The following CDH15 variants were observed in gnomAD, a reference collection of about 807,000 sequenced individuals.
The protein encoded by CDH15 is cadherin 15, also known as cadherin-15.
In CDH15, 73 loss-of-function variants were observed where a neutral mutation model predicts 69.4. The observed-to-expected ratio is 1.05, with a 90% CI of 0.87 to 1.28. CDH15 has a LOEUF of 1.28. CDH15 is among the 50% of genes most tolerant of loss of function. The probability of loss-of-function intolerance (pLI) is 0.00; values close to 1 mark genes in which losing one functional copy is unlikely to be tolerated. For missense variants in CDH15, 1,343 were observed against 1,133.6 expected (o/e 1.18, Z -2.65); for synonymous variants, 624 against 507.7 (o/e 1.23, Z -3.08).
chr16:89,188,338 A>C lies in CDH15; in HGVS notation c.978+53A>C, dbSNP rs1597309324. On this transcript the variant is annotated intron_variant, in intron 7 of 13. Transcript: ENST00000289746. ...TGCCGGCAGACGCAGATGCCGACACACACAGATGCCCACACACAGATGCCG... is the reference window on the plus strand; with the variant it reads ...TGCCGGCAGACGCAGATGCCGACACCCACAGATGCCCACACACAGATGCCG... The C allele has an allele frequency of 9.5e-6, 14 of 1,473,970 alleles. No homozygotes were observed. In the East Asian group the frequency reaches 3.2e-4, roughly 34 times the overall value. 91.3% of individuals were successfully genotyped at this position (1,473,970 alleles called of 1,614,324 possible). A position where few individuals can be genotyped will look rare whatever the true frequency, so the allele number is the denominator to read the frequency against.
chr16:89,192,379 CG>C lies in CDH15; in HGVS notation c.1796del (p.Gly599AlafsTer80), dbSNP rs749838702. 1 of 1,536,826 alleles carries C rather than the reference CG, an allele frequency of 6.5e-7. No homozygotes were observed. Among genetic ancestry groups the C allele is most frequent in the Non-Finnish European group, 8.7e-7 (1 of 1,147,764 alleles). The part of the protein sequence containing the change: ...VCLPGAAALL[A>X]GGTGLSLGAL... Reference sequence around the variant, plus strand: ...CTGCCGGGGGCCGCAGCGCTGCTGGCGGGGGGCACAGGCCTCAGCCTGGGCG... The same window carrying C: ...CTGCCGGGGGCCGCAGCGCTGCTGGCGGGGGCACAGGCCTCAGCCTGGGCG... On this transcript the variant is annotated frameshift_variant, in exon 11 of 14. Transcript: ENST00000289746. LOFTEE classifies it high-confidence loss of function.
chr16:89,187,421 A>AT lies in CDH15; in HGVS notation c.664-7dup. ...CTCATCTTCTGACCCTGTGCCCCAC[A>AT]TCCCCAGGTGGTCGCGGTGTACAAT... On this transcript the variant is annotated splice_polypyrimidine_tract_variant and splice_region_variant and intron_variant, in intron 5 of 13. Transcript: ENST00000289746. 6.2e-7 allele frequency: 1 copy of AT among 1,612,458 alleles called. No homozygotes were observed. Among genetic ancestry groups the AT allele is most frequent in the South Asian group, 1.1e-5 (1 of 91,058 alleles).
At chr16:89,179,634 C>A in intron 2 of CDH15, 60 bp downstream of exon 2, 1 of 1,484,284 alleles carries the variant, frequency 6.7e-7, no homozygotes, top group Non-Finnish European at 9.1e-7. Flanking sequence ...AGTGGGCCTC[C>A]CTCATTCTCT....
Position 89,193,468 on chromosome 16 carries a change from A to G in CDH15, c.1856-2A>G, listed in dbSNP as rs778417998. 7.6e-6 allele frequency: 12 copies of G among 1,570,766 alleles called. No individual in the cohort carries two copies. The highest frequency in any genetic ancestry group is 5.2e-6 in the Non-Finnish European group (6 of 1,156,888). ...CCCAGCCTGCGTCCCCTCATTCCCC[A>G]GTGCTGGTCCTGCTCGTGGCACTCC... On this transcript the variant is annotated splice_acceptor_variant, in intron 11 of 13. Coordinates refer to ENST00000289746, the MANE Select transcript of CDH15 (RefSeq NM_004933.3). LOFTEE classifies it high-confidence loss of function.
chr16:89,187,523 T>C lies in CDH15; in HGVS notation c.758T>C (p.Ile253Thr), dbSNP rs559421499. ...TASAIITLDDINDNAPEFTRD... is the reference protein window; with the variant it reads ...TASAIITLDDTNDNAPEFTRD... The stretch of plus-strand genomic sequence containing the variant: ...TCAGCCATCATCACCCTTGATGACA[T>C]CAATGACAATGCCCCCGAGTTCACC... Residue 253 changes from isoleucine to threonine, a missense_variant, in exon 6 of 14, where the codon ATC becomes ACC. Ile to Thr is a moderately conservative substitution (Grantham distance 89, BLOSUM62 -1). Coordinates refer to ENST00000289746, the MANE Select transcript of CDH15 (RefSeq NM_004933.3). The C allele has an allele frequency of 5.0e-6, 8 of 1,613,724 alleles. No individual in the cohort carries two copies. The South Asian group carries it at 7.7e-5, about 16-fold the overall frequency.
At chr16:89,187,721 G>A (rs532734950) in intron 6 of CDH15, among the ~76,000 whole-genome samples, 164 bp downstream of exon 6, 6 of 152,324 alleles carry the variant, frequency 3.9e-5, no homozygotes, top group Non-Finnish European at 4.4e-5. Context: ...GAGGGGCCCC[G>A]GGGTGCTGCG....
At chr16:89,193,943 C>A in intron 13 of CDH15, 30 bp downstream of exon 13, 1 of 1,606,216 alleles carries the variant, frequency 6.2e-7, no homozygotes, top group African/African-American at 1.3e-5. Context: ...CCCCAGTACA[C>A]ACAGGCACGC....
At chr16:89,187,935 G>A (rs1174583623) in intron 6 of CDH15, among the ~76,000 whole-genome samples, 165 bp from the exon 7 acceptor site, 2 of 143,550 alleles carry the variant, frequency 1.4e-5, no homozygotes, top group African/African-American at 5.1e-5. Context: ...CAAACCTGAG[G>A]ACACCCAGTG....
intron 10 of CDH15, 25 bp downstream of exon 10, chr16:89,191,919 C>A (rs1597312276): frequency 1.3e-6 from 2 of 1,521,976 alleles, no homozygotes; most frequent in Admixed American, 2.0e-5. Flanking sequence ...CCGCCGCGCT[C>A]CCCCCATCCC....
intron 2 of CDH15, 107 bp from the exon 3 acceptor site, chr16:89,180,093 A>G (rs1267775178): frequency 8.1e-7 from 1 of 1,239,990 alleles, no homozygotes; most frequent in African/African-American, 1.5e-5. Flanking sequence ...GTCCTAGGAG[A>G]CTTAGACCTG....
At chr16:89,185,419 CCA>C in intron 5 of CDH15, 86 bp downstream of exon 5, 1 of 1,414,768 alleles carries the variant, frequency 7.1e-7, no homozygotes, top group South Asian at 1.2e-5. Context: ...CCTGCCCACC[CCA>C]GACGCTCCTG....
chr16:89,172,399 T>C (rs1915175930), intron 1 of CDH15, among the ~76,000 whole-genome samples: 2 of 152,078 alleles, frequency 1.3e-5, no homozygotes, highest in South Asian at 4.1e-4. Flanking sequence ...CCCTCACGGC[T>C]ACTTCTCGAT....
chr16:89,175,740 G>A (rs72819352), intron 1 of CDH15, among the ~76,000 whole-genome samples: 6,866 of 152,182 alleles, frequency 0.045, 286 homozygotes, highest in East Asian at 0.17. Context: ...GGCCAGGGCC[G>A]CCATCTGTCA....
chr16:89,183,644 T>C lies in CDH15; in HGVS notation c.454T>C (p.Phe152Leu), dbSNP rs1166011337. 1 of 1,613,570 alleles carries C rather than the reference T, an allele frequency of 6.2e-7. No homozygotes were observed. Among genetic ancestry groups the C allele is most frequent in the Non-Finnish European group, 8.5e-7 (1 of 1,179,820 alleles). The change falls in exon 4 of 14, where the codon TTC becomes CTC. Residue 152 changes from phenylalanine (F) to leucine (L), a missense_variant. Physicochemically the swap from Phe to Leu is conservative, Grantham distance 22 (BLOSUM62 0). Coordinates refer to ENST00000289746, the MANE Select transcript of CDH15 (RefSeq NM_004933.3). ...GGATCAGAATGACAACCGGCCAGCC[T>C]TCCTGCAGGAGGCGTTCACTGGCCG... ...VVDQNDNRPA[F>L]LQEAFTGRVL...
chr16:89,188,744 GCACACACAGATGCCCACACACAGATGCC>G (rs568495835), intron 7 of CDH15, among the ~76,000 whole-genome samples: 5 of 88,776 alleles, frequency 5.6e-5, no homozygotes, highest in African/African-American at 1.8e-4. Context: ...ACAGATGCCG[GCACACACAGATGCCCACACACAGATGCC>G]CACACACAGA....
Position 89,191,814 on chromosome 16 carries a change from C to G in CDH15, c.1535C>G (p.Pro512Arg), listed in dbSNP as rs777079621. ...LLGATDEDLPPHGAPFHFQLS... is the reference protein window; with the variant it reads ...LLGATDEDLPRHGAPFHFQLS... The stretch of plus-strand genomic sequence containing the variant: ...GGCGCCACGGATGAGGACCTGCCCC[C>G]CCACGGGGCCCCCTTCCACTTCCAG... The change falls in exon 10 of 14, where the codon CCC becomes CGC. Residue 512 changes from proline (P) to arginine (R), a missense_variant. Physicochemically the swap from Pro to Arg is moderately radical, Grantham distance 103. Transcript: ENST00000289746. 5.6e-6 allele frequency: 9 copies of G among 1,604,638 alleles called. No homozygotes were observed. The highest frequency in any genetic ancestry group is 1.7e-5 in the Admixed American group (1 of 59,892).
Position 89,185,219 on chromosome 16 carries a change from G to T in CDH15, c.549G>T (p.Glu183Asp), listed in dbSNP as rs975253954. The T allele has an allele frequency of 1.1e-5, 18 of 1,606,076 alleles. No homozygotes were observed. The highest frequency in any genetic ancestry group is 5.0e-5 in the Admixed American group (3 of 59,446). ...AGGCCACAGATGCCGACGACCCCGA[G>T]ACGGACAACGCAGCGCTGCGGTTCT... The part of the protein sequence containing the change: ...RAEATDADDP[E>D]TDNAALRFSI... The change falls in exon 5 of 14, where the codon GAG becomes GAT. Residue 183 changes from glutamate to aspartate, a missense_variant. Coordinates refer to ENST00000289746, the MANE Select transcript of CDH15 (RefSeq NM_004933.3).
intron 4 of CDH15, 126 bp from the exon 5 acceptor site, chr16:89,185,047 C>G: frequency 1.1e-6 from 1 of 874,434 alleles, no homozygotes. Context: ...ACTGACTGCC[C>G]CATCTGGGGT....
intron 6 of CDH15, 37 bp from the exon 7 acceptor site, chr16:89,188,063 G>C: frequency 6.3e-7 from 1 of 1,575,204 alleles, no homozygotes; most frequent in Non-Finnish European, 8.6e-7. Context: ...TGTCCCCCCA[G>C]CCCTGCTGGT....
Sources: allele counts gnomAD v4.1 joint callset (sites outside exome capture counted in the v4.1 genomes callset), GRCh38; gene constraint gnomAD v4.1.1; transcripts MANE v1.5; gene names NCBI Gene and HGNC (gene_info 2026-07-23, HGNC 2026-07-21).